PDLIM7: variants seen among roughly 807,000 people sequenced by gnomAD.
PDLIM7 encodes the protein PDZ and LIM domain protein 7.
A neutral mutation model predicts 53.9 loss-of-function variants in PDLIM7; 37 were observed. The ratio of observed to expected loss-of-function variants is 0.69; its 90% CI spans 0.53 to 0.90. PDLIM7 has a LOEUF of 0.90. PDLIM7 is among the 40% of genes least tolerant of loss of function. The probability of loss-of-function intolerance (pLI) is 0.00; values close to 1 mark genes in which losing one functional copy is unlikely to be tolerated. For missense variants in PDLIM7, 617 were observed against 638.5 expected (o/e 0.97, Z 0.36); for synonymous variants, 300 against 261.3 (o/e 1.15, Z -1.43).
At chr5:177,491,433 TAAGA>T (rs1758775617) in intron 5 of PDLIM7, 1 of 1,547,120 alleles carries the variant, frequency 6.5e-7, no homozygotes, top group Non-Finnish European at 8.7e-7. Flanking sequence ...GTGAAGGAAA[TAAGA>T]CAGACAGACA....
rs1486457867 is a variant in PDLIM7 at position 177,483,970 on chromosome 5, A to G, written c.1184T>C (p.Met395Thr). Reference sequence around the variant, plus strand: ...ACAGCCATGGCATTTCGTGCCAAACATCTTCTCATAGTCTGAGAATGGGGG... The same window carrying G: ...ACAGCCATGGCATTTCGTGCCAAACGTCTTCTCATAGTCTGAGAATGGGGG... ...VPYCERDYEK[M>T]FGTKCHGCDF... is the part of the protein sequence containing the mutation. The change falls in exon 12 of 13, where the codon ATG (methionine) becomes ACG (threonine). Residue 395 changes from methionine (M) to threonine (T), a missense_variant. Met to Thr is a moderately conservative substitution (Grantham distance 81, BLOSUM62 -1). Coordinates refer to ENST00000355841, the MANE Select transcript of PDLIM7 (RefSeq NM_005451.5). The G allele has an allele frequency of 1.2e-6, 2 of 1,613,874 alleles. No homozygotes were observed. Among genetic ancestry groups the G allele is most frequent in the East Asian group, 4.5e-5 (2 of 44,878 alleles).
chr5:177,483,920 G>A lies in PDLIM7; in HGVS notation c.1234C>T (p.Arg412Cys), dbSNP rs1345745923. The change falls in exon 12 of 13, where the codon CGC (arginine) becomes TGC (cysteine). Residue 412 changes from arginine to cysteine, a missense_variant. Coordinates refer to ENST00000355841, the MANE Select transcript of PDLIM7 (RefSeq NM_005451.5). Reference protein sequence around the residue: ...GCDFKIDAGDRFLEALGFSWH... With the variant: ...GCDFKIDAGDCFLEALGFSWH... ...CTGAAGCCCAGGGCCTCCAGGAAGC[G>A]GTCCCCAGCGTCGATCTTGAAGTCA... 3.7e-6 allele frequency: 6 copies of A among 1,613,722 alleles called. No homozygotes were observed. Among genetic ancestry groups the A allele is most frequent in the Non-Finnish European group, 5.1e-6 (6 of 1,179,978 alleles).
At chr5:177,486,780 T>C (rs544621018) in intron 10 of PDLIM7, among the ~76,000 whole-genome samples, 20 of 146,552 alleles carry the variant, frequency 1.4e-4, no homozygotes, top group Non-Finnish European at 4.5e-5. Context: ...CTGGGACTAC[T>C]CCACCATGCC....
chr5:177,484,444 C>G (rs1213040722), intron 10 of PDLIM7: 1 of 475,754 alleles, frequency 2.1e-6, no homozygotes, highest in African/African-American at 2.0e-5. Context: ...CACAGCCATC[C>G]CCATCACGCG....
rs771175689 is a variant in PDLIM7 at position 177,490,509 on chromosome 5, G to A, written c.572+361C>T. 20 of 1,560,378 alleles carry A rather than the reference G, an allele frequency of 1.3e-5. 1 individual carries two copies. Among genetic ancestry groups the A allele is most frequent in the African/African-American group, 8.2e-5 (6 of 73,502 alleles). On this transcript the variant is annotated intron_variant, in intron 7 of 12. Coordinates refer to ENST00000355841, the MANE Select transcript of PDLIM7 (RefSeq NM_005451.5). ...GGAGAGGGCCGGGCTACGACTGCAC[G>A]TTGAGCACGTGGGCAGAGCGCTGGT... is the stretch of plus-strand genomic sequence containing the variant.
chr5:177,491,672 C>A (rs1488284350), intron 5 of PDLIM7, 135 bp downstream of exon 5: 24 of 629,090 alleles, frequency 3.8e-5, no homozygotes, highest in South Asian at 2.0e-4. Flanking sequence ...TGCAGCCCCA[C>A]CCCGGCCGCC....
chr5:177,495,604 T>C (rs1581765837), intron 2 of PDLIM7, among the ~76,000 whole-genome samples: 1 of 152,078 alleles, frequency 6.6e-6, no homozygotes, highest in African/African-American at 2.4e-5. Context: ...ACCAGTGGGG[T>C]TCAGGGGGCC....
In PDLIM7 at chr5:177,491,847, C is replaced by A; in HGVS notation, c.358G>T (p.Gly120Trp). The A allele has an allele frequency of 7.8e-7, 1 of 1,279,716 alleles. No homozygotes were observed. The highest frequency in any genetic ancestry group is 3.2e-5 in the East Asian group (1 of 31,646). 79.3% of individuals were successfully genotyped at this position (1,279,716 alleles called of 1,614,324 possible). A position where few individuals can be genotyped will look rare whatever the true frequency, so the allele number is the denominator to read the frequency against. The change falls in exon 5 of 13, where the codon GGG (glycine) becomes TGG (tryptophan). Residue 120 changes from glycine (G) to tryptophan (W), a missense_variant. Gly to Trp is a radical substitution (Grantham distance 184). Coordinates refer to ENST00000355841, the MANE Select transcript of PDLIM7 (RefSeq NM_005451.5). ...VSLNKTARPF[G>W]APPPADSAPQ... is the part of the protein sequence containing the mutation. ...GCGCTGTCAGCGGGCGGGGGCGCCCCAAAGGGCCGGGCCGTCTTGTTGAGG... is the reference window on the plus strand; with the variant it reads ...GCGCTGTCAGCGGGCGGGGGCGCCCAAAAGGGCCGGGCCGTCTTGTTGAGG...
At position 177,490,926 on chromosome 5, in the gene PDLIM7, C is replaced by G; in HGVS notation, c.536-20G>C. 1.9e-6 allele frequency: 3 copies of G among 1,614,064 alleles called. No individual in the cohort carries two copies. Among genetic ancestry groups the G allele is most frequent in the Non-Finnish European group, 2.5e-6 (3 of 1,179,958 alleles). ...CTTGCACTGAGAGGGCAGAGGCAGG[C>G]ATTGACCAAAAAAGACACAGGGTCA... On this transcript the variant is annotated intron_variant, in intron 6 of 12. Transcript: ENST00000355841.
At chr5:177,491,266 G>T in intron 5 of PDLIM7, 120 bp from the exon 6 acceptor site, 1 of 1,436,464 alleles carries the variant, frequency 7.0e-7, no homozygotes, top group Non-Finnish European at 9.6e-7. Context: ...GTAAGGGTGA[G>T]GCCAGGAGCC....
intron 10 of PDLIM7, among the ~76,000 whole-genome samples, chr5:177,486,931 C>CTTTTTTTT (rs60583245): frequency 4.1e-5 from 2 of 48,692 alleles, no homozygotes; most frequent in African/African-American, 1.4e-4. Flanking sequence ...GTGCCTGGCC[C>CTTTTTTTT]TTTTTTTTTT....
chr5:177,483,625 A>C lies in PDLIM7; in HGVS notation c.*19T>G. The stretch of plus-strand genomic sequence containing the variant: ...CCCTCAGGCTAGGGGCCACCGCGGC[A>C]GCTGTGGGCAGAAGGGGCTCACACA... On this transcript the variant is annotated 3_prime_UTR_variant, in exon 13 of 13. Transcript: ENST00000355841. The C allele has an allele frequency of 6.4e-7, 1 of 1,569,976 alleles. No individual in the cohort carries two copies. Among genetic ancestry groups the C allele is most frequent in the Non-Finnish European group, 8.8e-7 (1 of 1,141,624 alleles).
At chr5:177,491,197 G>A (rs1581760226) in intron 5 of PDLIM7, 51 bp from the exon 6 acceptor site, 2 of 1,545,498 alleles carry the variant, frequency 1.3e-6, no homozygotes, top group Admixed American at 1.8e-5. Flanking sequence ...GGCGGTGGGG[G>A]CAGCCCCTCC....
intron 9 of PDLIM7, among the ~76,000 whole-genome samples, chr5:177,488,810 A>G (rs1443107362): frequency 6.6e-6 from 1 of 152,084 alleles, no homozygotes; most frequent in East Asian, 1.9e-4. Flanking sequence ...GAATCTCTTG[A>G]ACCCAGGAGG....
At chr5:177,488,830 C>T (rs912957210) in intron 9 of PDLIM7, among the ~76,000 whole-genome samples, 16 of 151,340 alleles carry the variant, frequency 1.1e-4, no homozygotes, top group African/African-American at 2.2e-4. Context: ...GCAGAGGTTG[C>T]AGTGAGCCGA....
At chr5:177,495,509 C>T (rs879839252) in intron 2 of PDLIM7, among the ~76,000 whole-genome samples, 1 of 152,226 alleles carries the variant, frequency 6.6e-6, no homozygotes, top group Admixed American at 6.5e-5. Context: ...AGGCTGGCCT[C>T]ACCCACTCTG....
intron 7 of PDLIM7, 152 bp from the exon 8 acceptor site, chr5:177,489,984 G>C (rs1056430478): frequency 1.3e-6 from 2 of 1,535,466 alleles, no homozygotes; most frequent in South Asian, 1.2e-5. Context: ...GGGATGGGAA[G>C]GGCAGCTTCT....
chr5:177,492,793 T>G (rs1758873234), intron 2 of PDLIM7, 116 bp from the exon 3 acceptor site: 21 of 1,152,014 alleles, frequency 1.8e-5, no homozygotes, highest in Non-Finnish European at 2.0e-5. Flanking sequence ...CAGAGAGCTC[T>G]TCATTCAACA....
intron 2 of PDLIM7, among the ~76,000 whole-genome samples, chr5:177,495,939 A>G (rs1255687354): frequency 6.6e-6 from 1 of 151,908 alleles, no homozygotes; most frequent in African/African-American, 2.4e-5. Context: ...TCCCTGCTTC[A>G]CCATGGACTC....
Sources: allele counts gnomAD v4.1 joint callset (sites outside exome capture counted in the v4.1 genomes callset), GRCh38; gene constraint gnomAD v4.1.1; transcripts MANE v1.5; gene names NCBI Gene and HGNC (gene_info 2026-07-23, HGNC 2026-07-21).